PHKB: variants seen among roughly 807,000 people sequenced by gnomAD.
PHKB encodes phosphorylase b kinase regulatory subunit beta.
Under a neutral mutation model 152.1 loss-of-function variants are expected in PHKB, and 122 were observed. The ratio of observed to expected loss-of-function variants is 0.80; its 90% CI spans 0.69 to 0.93. The LOEUF (loss-of-function observed/expected upper bound fraction) is 0.93. Ranked by LOEUF, PHKB falls within the 40% of genes least tolerant of loss-of-function variation. The pLI is 0.00. For synonymous variants in PHKB, 436 were observed against 464.9 expected (o/e 0.94, Z 0.80); for missense variants, 1,304 against 1,328.4 (o/e 0.98, Z 0.29).
intron 6 of PHKB, among the ~76,000 whole-genome samples, chr16:47,524,186 A>G (rs1208356717): frequency 2.0e-5 from 3 of 152,152 alleles, no homozygotes; most frequent in African/African-American, 7.2e-5. Flanking sequence ...TGTGTGAACA[A>G]TTGGATTTCC....
chr16:47,616,192 A>G (rs1033005105), intron 14 of PHKB, among the ~76,000 whole-genome samples: 2 of 151,548 alleles, frequency 1.3e-5, no homozygotes, highest in African/African-American at 2.4e-5. Context: ...TCATTTATCT[A>G]TTTTTTTCCT....
chr16:47,540,819 G>GTTTTTTTTT, intron 6 of PHKB, among the ~76,000 whole-genome samples: 1 of 64,284 alleles, frequency 1.6e-5, no homozygotes, highest in Non-Finnish European at 2.8e-5. Flanking sequence ...TAAATGTCCT[G>GTTTTTTTTT]TTTTTTTTTT....
chr16:47,693,290 A>T, intron 27 of PHKB, 88 bp from the exon 28 acceptor site: 1 of 1,345,662 alleles, frequency 7.4e-7, no homozygotes, highest in East Asian at 2.3e-5. Context: ...TTCTTACCCT[A>T]TCAGAACAAT....
At chr16:47,648,071 C>T (rs895697076) in intron 16 of PHKB, among the ~76,000 whole-genome samples, 4 of 151,994 alleles carry the variant, frequency 2.6e-5, no homozygotes, top group South Asian at 4.2e-4. Flanking sequence ...ACTTTGAGTA[C>T]GTGGTTTGAA....
chr16:47,566,394 A>C (rs1971567553), intron 7 of PHKB: 1 of 1,577,434 alleles, frequency 6.3e-7, no homozygotes, highest in Admixed American at 1.7e-5. Context: ...AGCAACGTCC[A>C]CTCAAATTCT....
chr16:47,503,021 T>A lies in PHKB; in HGVS notation c.336T>A (p.His112Gln), dbSNP rs377750531. ...RRIDDDKGRT[H>Q]ELEHSAIKCM... ...TTGATGATGACAAGGGAAGGACCCA[T>A]GAGCTGGAGCACTCAGCTATAAAAT... Residue 112 changes from histidine (H) to glutamine (Q), a missense_variant, in exon 4 of 31, where the codon CAT (histidine) becomes CAA (glutamine). His to Gln is a conservative substitution (Grantham distance 24, BLOSUM62 0). Transcript: ENST00000323584. 6 of 1,613,238 alleles carry A rather than the reference T, an allele frequency of 3.7e-6. No individual in the cohort carries two copies. The highest frequency in any genetic ancestry group is 5.1e-6 in the Non-Finnish European group (6 of 1,179,142).
chr16:47,585,138 G>A (rs1184501418), intron 8 of PHKB, among the ~76,000 whole-genome samples: 7 of 152,186 alleles, frequency 4.6e-5, no homozygotes, highest in Non-Finnish European at 4.4e-5. Context: ...TGGCTAGGGA[G>A]TAAAGTTTGA....
chr16:47,675,706 T>G (rs1348900809), intron 26 of PHKB: 1 of 152,124 alleles, frequency 6.6e-6, no homozygotes, highest in African/African-American at 2.4e-5. Flanking sequence ...ATATGGAAAC[T>G]CCATCTCAGA....
At chr16:47,523,252 C>A (rs1350197265) in intron 6 of PHKB, among the ~76,000 whole-genome samples, 1 of 152,060 alleles carries the variant, frequency 6.6e-6, no homozygotes, top group Admixed American at 6.6e-5. Context: ...TATATTAACT[C>A]CAGAAATCAG....
intron 1 of PHKB, among the ~76,000 whole-genome samples, chr16:47,478,759 A>G (rs1969914396): frequency 6.6e-6 from 1 of 152,154 alleles, no homozygotes; most frequent in African/African-American, 2.4e-5. Flanking sequence ...TAATGATATT[A>G]TTCTTAACCT....
intron 28 of PHKB, among the ~76,000 whole-genome samples, chr16:47,695,713 C>T (rs1974135454): frequency 6.6e-6 from 1 of 152,210 alleles, no homozygotes; most frequent in Non-Finnish European, 1.5e-5. Context: ...GCCTAATGTT[C>T]AGAGCCTTCC....
chr16:47,593,583 AAGCAAGCTTTTTCCTGAAATT>A lies in PHKB; in HGVS notation c.1126+27_1126+47del, dbSNP rs745869848. On this transcript the variant is annotated intron_variant, in intron 11 of 30. Coordinates refer to ENST00000323584, the MANE Select transcript of PHKB (RefSeq NM_000293.3). ...GTAAGTAAGCTTTTTCCTGAAATTT[AAGCAAGCTTTTTCCTGAAATT>A]TAAGCTGTAGGATTTAAGTGGTTTA... The A allele has an allele frequency of 2.3e-6, 3 of 1,304,946 alleles. No individual in the cohort carries two copies. The African/African-American group carries it at 4.4e-5, about 19-fold the overall frequency. The allele number at this position is 1,304,946 out of a possible 1,614,324, so 80.8% of individuals were successfully genotyped here.
intron 6 of PHKB, among the ~76,000 whole-genome samples, chr16:47,536,247 C>T (rs572674556): frequency 6.6e-6 from 1 of 152,270 alleles, no homozygotes; most frequent in South Asian, 2.1e-4. Flanking sequence ...GACAGAGTTT[C>T]TCCATGTTGG....
At chr16:47,468,338 C>T (rs753358838) in intron 1 of PHKB, among the ~76,000 whole-genome samples, 1 of 152,202 alleles carries the variant, frequency 6.6e-6, no homozygotes, top group Non-Finnish European at 1.5e-5. Context: ...GCTTAAGGCC[C>T]TCCTATTGTA....
At chr16:47,660,422 A>T in intron 20 of PHKB, 84 bp from the exon 21 acceptor site, 2 of 1,039,282 alleles carry the variant, frequency 1.9e-6, no homozygotes, top group Non-Finnish European at 3.0e-6. Flanking sequence ...AGTATTACTT[A>T]ATTACAGAAA....
At chr16:47,619,362 T>G (rs1438077894) in intron 14 of PHKB, 1 of 152,174 alleles carries the variant, frequency 6.6e-6, no homozygotes, top group African/African-American at 2.4e-5. Context: ...ACCGGTGCCT[T>G]AGGATGCTGA....
At chr16:47,555,893 C>T (rs1442927358) in intron 7 of PHKB, among the ~76,000 whole-genome samples, 1 of 152,170 alleles carries the variant, frequency 6.6e-6, no homozygotes. Flanking sequence ...GATATTGATT[C>T]TTCCTACCCA....
intron 1 of PHKB, among the ~76,000 whole-genome samples, chr16:47,495,121 ATAGATACT>A (rs1382838849): frequency 6.7e-6 from 1 of 150,334 alleles, no homozygotes; most frequent in African/African-American, 2.4e-5. Flanking sequence ...CTCTTACTGA[ATAGATACT>A]TATTTTCTTG....
chr16:47,694,801 A>T (rs1005284065), intron 28 of PHKB, among the ~76,000 whole-genome samples: 5 of 152,172 alleles, frequency 3.3e-5, no homozygotes, highest in African/African-American at 1.2e-4. Flanking sequence ...GTGCACGCTC[A>T]CAACCACTTG....
Sources: allele counts gnomAD v4.1 joint callset (sites outside exome capture counted in the v4.1 genomes callset), GRCh38; gene constraint gnomAD v4.1.1; transcripts MANE v1.5; gene names NCBI Gene and HGNC (gene_info 2026-07-23, HGNC 2026-07-21).